The following VCP variants were observed in gnomAD, a reference collection of about 807,000 sequenced individuals.
The protein encoded by VCP is transitional endoplasmic reticulum ATPase.
In VCP, 6 loss-of-function variants were observed where a neutral mutation model predicts 85.7. The observed-to-expected ratio is 0.07, with a 90% CI of 0.04 to 0.14. The LOEUF (loss-of-function observed/expected upper bound fraction) is 0.14, where lower values mean the gene tolerates loss of function less well. Among genes scored for constraint, VCP ranks in the 10% least tolerant of loss-of-function variants. The probability of loss-of-function intolerance (pLI) is 1.00; values close to 1 mark genes in which losing one functional copy is unlikely to be tolerated. For missense variants in VCP, 353 were observed against 1,043.4 expected (o/e 0.34, Z 9.12); for synonymous variants, 384 against 367.1 (o/e 1.05, Z -0.53).
At chr9:35,070,830 C>T (rs999278107) in intron 1 of VCP, among the ~76,000 whole-genome samples, 1 of 152,182 alleles carries the variant, frequency 6.6e-6, no homozygotes, top group Non-Finnish European at 1.5e-5. Context: ...GTGGTATGCC[C>T]TTTTCTTAAG....
At chr9:35,065,480 T>C (rs1367210973) in intron 4 of VCP, 99 bp from the exon 5 acceptor site, 15 of 1,527,278 alleles carry the variant, frequency 9.8e-6, no homozygotes, top group African/African-American at 1.4e-5. Flanking sequence ...GCTCATTAGA[T>C]AGTGCCCTTC....
chr9:35,064,139 GC>G lies in VCP; in HGVS notation c.708+14del. ...GCACCACTTTAGACTTGATTCCAGAGCCCAGGATGCTCACCTTCACACCAAT... is the reference window on the plus strand; with the variant it reads ...GCACCACTTTAGACTTGATTCCAGAGCCAGGATGCTCACCTTCACACCAAT... On this transcript the variant is annotated intron_variant, in intron 6 of 16. Transcript: ENST00000358901. 1 of 1,614,068 alleles carries G rather than the reference GC, an allele frequency of 6.2e-7. No individual in the cohort carries two copies. Among genetic ancestry groups the G allele is most frequent in the Non-Finnish European group, 8.5e-7 (1 of 1,179,992 alleles).
At chr9:35,065,083 G>C (rs1375742922) in intron 5 of VCP, among the ~76,000 whole-genome samples, 168 bp downstream of exon 5, 1 of 152,118 alleles carries the variant, frequency 6.6e-6, no homozygotes, top group Non-Finnish European at 1.5e-5. Flanking sequence ...GCCCAGGCTG[G>C]TCTTGAACAC....
Position 35,061,672 on chromosome 9 carries a change from C to T in VCP, c.1099G>A (p.Val367Ile). 1.2e-6 allele frequency: 2 copies of T among 1,613,858 alleles called. No homozygotes were observed. The highest frequency in any genetic ancestry group is 1.7e-6 in the Non-Finnish European group (2 of 1,179,978). The change falls in exon 10 of 17, where the codon GTA becomes ATA. Residue 367 changes from valine (V) to isoleucine (I), a missense_variant. Physicochemically the swap from Val to Ile is conservative, Grantham distance 29. Coordinates refer to ENST00000358901, the MANE Select transcript of VCP (RefSeq NM_007126.5). ...GTAGCATCAGGAATTCCAATATCTACCTCCCTGTCAAAGCGACCTGTGGGA... is the reference window on the plus strand; with the variant it reads ...GTAGCATCAGGAATTCCAATATCTATCTCCCTGTCAAAGCGACCTGTGGGA... ...LRRFGRFDREVDIGIPDATGR... is the reference protein window; with the variant it reads ...LRRFGRFDREIDIGIPDATGR...
intron 4 of VCP, 145 bp from the exon 5 acceptor site, chr9:35,065,526 C>T (rs1316505807): frequency 2.2e-5 from 24 of 1,076,334 alleles, no homozygotes; most frequent in Non-Finnish European, 3.2e-5. Flanking sequence ...AACTCCACCC[C>T]ACCTGTCTTA....
intron 1 of VCP, among the ~76,000 whole-genome samples, chr9:35,069,384 C>G (rs182965931): frequency 6.6e-6 from 1 of 151,608 alleles, no homozygotes; most frequent in East Asian, 1.9e-4. Flanking sequence ...ACAGTGACAC[C>G]AACTTATTAC....
At chr9:35,061,228 G>A (rs1401583840) in intron 10 of VCP, 49 bp from the exon 11 acceptor site, 11 of 1,610,758 alleles carry the variant, frequency 6.8e-6, no homozygotes, top group East Asian at 6.7e-5. Context: ...CCCAGCTGCT[G>A]CAGGAGGCTC....
In VCP at chr9:35,062,265, G is replaced by A. The variant is rs974283155; in HGVS notation, c.897C>T (p.Ala299=). ...AFEEAEKNAP[A]IIFIDELDAI... ...CATCTAGCTCATCAATGAAGATGAT[G>A]GCAGGAGCATTCTTCTCAGCCTCCT... Residue 299 remains alanine, a synonymous_variant, in exon 8 of 17, where the codon GCC becomes GCT. Transcript: ENST00000358901. The A allele has an allele frequency of 6.2e-7, 1 of 1,614,154 alleles. No individual in the cohort carries two copies. Among genetic ancestry groups the A allele is most frequent in the South Asian group, 1.1e-5 (1 of 91,076 alleles).
chr9:35,070,915 C>T (rs576163174), intron 1 of VCP, among the ~76,000 whole-genome samples: 34 of 152,200 alleles, frequency 2.2e-4, no homozygotes, highest in African/African-American at 8.2e-4. Context: ...TTGGCCTGAC[C>T]ATGGGCCAAC....
chr9:35,057,034 TG>T lies in VCP; in HGVS notation c.*82del. 1.4e-6 allele frequency: 2 copies of T among 1,394,668 alleles called. No homozygotes were observed. The highest frequency in any genetic ancestry group is 2.0e-6 in the Non-Finnish European group (2 of 985,888). 86.4% of individuals were successfully genotyped at this position (1,394,668 alleles called of 1,614,324 possible). ...ATGGAGCAGGCTGTGGGCGCACCCC[TG>T]GTCCCTCTCCTGGGCAAGCGCCCCC... On this transcript the variant is annotated 3_prime_UTR_variant, in exon 17 of 17. Coordinates refer to ENST00000358901, the MANE Select transcript of VCP (RefSeq NM_007126.5).
intron 12 of VCP, 124 bp from the exon 13 acceptor site, chr9:35,060,649 A>G (rs1382911469): frequency 8.5e-6 from 13 of 1,527,018 alleles, no homozygotes. Context: ...GGTTCTCTAG[A>G]AGAAGACTCC....
At position 35,059,643 on chromosome 9, in the gene VCP, G is replaced by A. The variant is rs772137901; in HGVS notation, c.1854C>T (p.Phe618=). ...MDGMSTKKNV[F]IIGATNRPDI... Reference sequence around the variant, plus strand: ...CAGGCCGGTTGGTAGCGCCAATGATGAACACATTTTTTTTTGTGGACATGC... The same window carrying A: ...CAGGCCGGTTGGTAGCGCCAATGATAAACACATTTTTTTTTGTGGACATGC... The change falls in exon 14 of 17, where the codon TTC becomes TTT. Residue 618 remains phenylalanine (F), a synonymous_variant. Coordinates refer to ENST00000358901, the MANE Select transcript of VCP (RefSeq NM_007126.5). This position sits in a 1 kb window ranked among gnomAD's most constrained non-coding sequence, Gnocchi z 4.9. The A allele has an allele frequency of 1.2e-6, 2 of 1,614,142 alleles. No individual in the cohort carries two copies. The highest frequency in any genetic ancestry group is 2.2e-5 in the South Asian group (2 of 91,080).
At chr9:35,071,937 G>T (rs1337682798) in intron 1 of VCP, 7 of 1,044,288 alleles carry the variant, frequency 6.7e-6, no homozygotes, top group Non-Finnish European at 8.1e-6. Context: ...TCTCTCCGGG[G>T]ACCAAAGGCT....
chr9:35,072,535 G>T lies in VCP; in HGVS notation c.-182C>A. 2 of 715,992 alleles carry T rather than the reference G, an allele frequency of 2.8e-6. No individual in the cohort carries two copies. Among genetic ancestry groups the T allele is most frequent in the East Asian group, 7.0e-5 (2 of 28,770 alleles). The allele number at this position is 715,992 out of a possible 1,614,324, so 44.4% of individuals were successfully genotyped here. On this transcript the variant is annotated 5_prime_UTR_variant, in exon 1 of 17. Transcript: ENST00000358901. ...GGCAGCGAGGCGTCGGGCGAACAAC[G>T]CTGGCTCCTGATCCGCGAGGTGGCA...
At position 35,056,713 on chromosome 9, in the gene VCP, C is replaced by A. The variant is rs149634328; in HGVS notation, c.*404G>T. ...AAACATCCAGCAACTGTGGCCCCTA[C>A]CCACCTACCCAGGTTGGATAGGGGG... is the stretch of plus-strand genomic sequence containing the variant. On this transcript the variant is annotated 3_prime_UTR_variant, in exon 17 of 17. Coordinates refer to ENST00000358901, the MANE Select transcript of VCP (RefSeq NM_007126.5). 13 of 270,356 alleles carry A rather than the reference C, an allele frequency of 4.8e-5. No homozygotes were observed. The highest frequency in any genetic ancestry group is 8.7e-5 in the East Asian group (1 of 11,442). 16.7% of individuals were successfully genotyped at this position (270,356 alleles called of 1,614,324 possible).
At chr9:35,072,058 G>A in intron 1 of VCP, 1 of 1,264,048 alleles carries the variant, frequency 7.9e-7, no homozygotes. Flanking sequence ...TTCTAAGGGA[G>A]CCAATCGGGC....
chr9:35,069,099 C>T (rs925440912), intron 1 of VCP, among the ~76,000 whole-genome samples: 4 of 152,130 alleles, frequency 2.6e-5, no homozygotes, highest in African/African-American at 9.7e-5. Context: ...CCTACTGATG[C>T]CAGGGCATTC....
chr9:35,063,216 C>A, intron 6 of VCP, 136 bp from the exon 7 acceptor site: 1 of 766,888 alleles, frequency 1.3e-6, no homozygotes, highest in Non-Finnish European at 2.3e-6. Context: ...GCAGTAAATG[C>A]TAAGAAGACA....
rs1828979860 is a variant in VCP at position 35,072,468 on chromosome 9, G to T, written c.-115C>A. On this transcript the variant is annotated 5_prime_UTR_variant, in exon 1 of 17. Coordinates refer to ENST00000358901, the MANE Select transcript of VCP (RefSeq NM_007126.5). ...TCTTCCAGGCGGTGGGCGAGCAGCG[G>T]CGACAAACCCGCAAGCGGCTTCCCT... is the stretch of plus-strand genomic sequence containing the variant. 90 of 1,305,000 alleles carry T rather than the reference G, an allele frequency of 6.9e-5. 2 individuals carry two copies. In the South Asian group the frequency reaches 1.5e-3, roughly 21 times the overall value. 80.8% of individuals were successfully genotyped at this position (1,305,000 alleles called of 1,614,324 possible).
Sources: allele counts gnomAD v4.1 joint callset (sites outside exome capture counted in the v4.1 genomes callset), GRCh38; gene constraint gnomAD v4.1.1; non-coding constraint Gnocchi (gnomAD v3.1); transcripts MANE v1.5; gene names NCBI Gene and HGNC (gene_info 2026-07-23, HGNC 2026-07-21).